Variants in RIMBP2 observed in about 807,000 individuals in gnomAD.
RIMBP2 encodes the protein RIMS binding protein 2.
In RIMBP2, 48 loss-of-function variants were observed where a neutral mutation model predicts 118.6. The observed-to-expected ratio is 0.40, with a 90% CI of 0.32 to 0.51. The LOEUF is 0.51. RIMBP2 is among the 20% of genes least tolerant of loss of function. The pLI is 0.41. For synonymous variants in RIMBP2, 762 were observed against 742.9 expected (o/e 1.03, Z -0.42); for missense variants, 1,551 against 1,768.3 (o/e 0.88, Z 2.20).
chr12:130,438,335 A>AGGCCCCCCCCCCC, intron 12 of RIMBP2, 30 bp downstream of exon 12: 1 of 865,014 alleles, frequency 1.2e-6, no homozygotes, highest in Non-Finnish European at 1.9e-6. Flanking sequence ...GGCCTAACAA[A>AGGCCCCCCCCCCC]CCCTCCCCAC....
At position 130,438,419 on chromosome 12, in the gene RIMBP2, C is replaced by T. The variant is rs946078270; in HGVS notation, c.1602G>A (p.Gly534=). The T allele has an allele frequency of 1.9e-6, 3 of 1,612,986 alleles. No individual in the cohort carries two copies. Among genetic ancestry groups the T allele is most frequent in the Admixed American group, 3.3e-5 (2 of 59,930 alleles). ...SWRPPVLTPT[G]LSNGANVTGY... is the part of the protein sequence containing the mutation. ...CGGTAACGTTTGCGCCATTGGACAG[C>T]CCGGTGGGCGTCAGCACAGGTGGTC... The change falls in exon 12 of 23, where the codon GGG becomes GGA. Residue 534 remains glycine, a synonymous_variant. Coordinates refer to ENST00000690449, the MANE Select transcript of RIMBP2 (RefSeq NM_001393629.1).
intron 1 of RIMBP2, among the ~76,000 whole-genome samples, chr12:130,686,376 A>C (rs909110709): frequency 6.6e-6 from 1 of 152,180 alleles, no homozygotes; most frequent in South Asian, 2.1e-4. Context: ...AGATTGCTCA[A>C]ACCCTCCCCA....
chr12:130,629,626 T>C lies in RIMBP2; in HGVS notation c.-351-1170A>G, dbSNP rs555412186. Among the ~76,000 whole-genome samples, 3 of 152,234 alleles carry C rather than the reference T, an allele frequency of 2.0e-5. No homozygotes were observed. The South Asian group carries it at 6.2e-4, about 32-fold the overall frequency. On this transcript the variant is annotated intron_variant, in intron 1 of 22. Coordinates refer to ENST00000690449, the MANE Select transcript of RIMBP2 (RefSeq NM_001393629.1). Reference sequence around the variant, plus strand: ...AGAAATTAGACAGTCCACCTGTGGATACCCCTCCCCAGATCCAATGCATTA... The same window carrying C: ...AGAAATTAGACAGTCCACCTGTGGACACCCCTCCCCAGATCCAATGCATTA...
intron 6 of RIMBP2, among the ~76,000 whole-genome samples, chr12:130,464,072 G>T (rs576942284): frequency 2.7e-4 from 41 of 152,224 alleles, no homozygotes; most frequent in African/African-American, 9.4e-4. Flanking sequence ...TCCGGGAACT[G>T]CCCACCCTCC....
At chr12:130,626,243 G>T (rs990730592) in intron 2 of RIMBP2, among the ~76,000 whole-genome samples, 3 of 152,180 alleles carry the variant, frequency 2.0e-5, no homozygotes, top group Non-Finnish European at 4.4e-5. Flanking sequence ...CATAAAATAG[G>T]AATCAGAGGA....
In RIMBP2 at chr12:130,442,227, G is replaced by A; in HGVS notation, c.1125C>T (p.Asn375=). The change falls in exon 11 of 23, where the codon AAC becomes AAT. Residue 375 remains asparagine, a synonymous_variant. Coordinates refer to ENST00000690449, the MANE Select transcript of RIMBP2 (RefSeq NM_001393629.1). The surrounding 1 kb of genome is among the most constrained non-coding windows in gnomAD (Gnocchi z 6.9). ...SRTKALIEKL[N]MAACTYRISV... is the part of the protein sequence containing the mutation. ...AGATGCGGTAGGTGCAGGCTGCCAT[G>A]TTGAGCTTCTCGATGAGGGCTTTAG... The A allele has an allele frequency of 6.2e-7, 1 of 1,614,232 alleles. No individual in the cohort carries two copies. The highest frequency in any genetic ancestry group is 8.5e-7 in the Non-Finnish European group (1 of 1,180,056).
chr12:130,407,902 G>A (rs543798777), intron 19 of RIMBP2, 73 bp from the exon 20 acceptor site: 72 of 1,363,888 alleles, frequency 5.3e-5, no homozygotes, highest in East Asian at 1.8e-4. Context: ...CCCTCCTTCC[G>A]GGTCACACAT....
chr12:130,668,883 T>G (rs1043819586), intron 1 of RIMBP2, among the ~76,000 whole-genome samples: 9 of 152,250 alleles, frequency 5.9e-5, no homozygotes, highest in Admixed American at 3.3e-4. Context: ...CCCTCCATGT[T>G]AAGCCAAGTT....
intron 2 of RIMBP2, among the ~76,000 whole-genome samples, chr12:130,560,633 G>A (rs980605507): frequency 2.6e-5 from 4 of 152,174 alleles, no homozygotes; most frequent in African/African-American, 7.2e-5. Context: ...GCCAAGCTGC[G>A]CCTTTCCATG....
At chr12:130,619,925 C>A (rs141533066) in intron 2 of RIMBP2, among the ~76,000 whole-genome samples, 1 of 152,212 alleles carries the variant, frequency 6.6e-6, no homozygotes, top group Non-Finnish European at 1.5e-5. Context: ...CCTGCAGACA[C>A]ATGCTGTCCT....
At position 130,621,173 on chromosome 12, in the gene RIMBP2, G is replaced by A. The variant is rs2061287786; in HGVS notation, c.-217+7149C>T. Among the ~76,000 whole-genome samples the A allele has an allele frequency of 6.6e-6, 1 of 152,164 alleles. No individual in the cohort carries two copies. Among genetic ancestry groups the A allele is most frequent in the South Asian group, 2.1e-4 (1 of 4,832 alleles). The stretch of plus-strand genomic sequence containing the variant: ...GGTGAGTTGGAAACCCTTGAGTTCA[G>A]TCACCAGGCTCTGGAGATGGGTCTT... On this transcript the variant is annotated intron_variant, in intron 2 of 22. Transcript: ENST00000690449. The surrounding 1 kb of genome is among the most constrained non-coding windows in gnomAD (Gnocchi z 6.6).
intron 2 of RIMBP2, among the ~76,000 whole-genome samples, chr12:130,519,760 T>C (rs1188973174): frequency 6.6e-6 from 1 of 152,146 alleles, no homozygotes; most frequent in Non-Finnish European, 1.5e-5. Context: ...AGATTATGGG[T>C]TCTGAGGTCA....
At chr12:130,412,842 C>T (rs1241989969) in intron 18 of RIMBP2, 55 bp from the exon 19 acceptor site, 3 of 1,502,530 alleles carry the variant, frequency 2.0e-6, no homozygotes, top group African/African-American at 2.8e-5. Context: ...TTCAGAAATA[C>T]AATAGTCCCA....
intron 1 of RIMBP2, among the ~76,000 whole-genome samples, chr12:130,648,952 C>T (rs1345447360): frequency 6.9e-6 from 1 of 145,868 alleles, no homozygotes; most frequent in South Asian, 2.1e-4. Flanking sequence ...CGCCGAGAAA[C>T]GGATCGCACA....
chr12:130,438,858 G>T (rs2077759396), intron 11 of RIMBP2, among the ~76,000 whole-genome samples: 1 of 152,052 alleles, frequency 6.6e-6, no homozygotes, highest in Admixed American at 6.5e-5. Flanking sequence ...GGGGTCTCAG[G>T]CCTGGCCAGG....
chr12:130,594,599 T>C (rs1356236597), intron 2 of RIMBP2, among the ~76,000 whole-genome samples: 2 of 152,050 alleles, frequency 1.3e-5, no homozygotes, highest in African/African-American at 4.8e-5. Context: ...TTTAAGAAAA[T>C]TTATGAATTT....
rs904546889 is a variant in RIMBP2 at position 130,688,159 on chromosome 12, G to A, written c.-352+28063C>T. On this transcript the variant is annotated intron_variant, in intron 1 of 22. Coordinates refer to ENST00000690449, the MANE Select transcript of RIMBP2 (RefSeq NM_001393629.1). The surrounding 1 kb of genome is among the most constrained non-coding windows in gnomAD (Gnocchi z 4.7). ...TTCCAAGCATGGCCCCACAGCTCCC[G>A]GCCCAGCCTGCACTGTTCATGCTGC... is the stretch of plus-strand genomic sequence containing the variant. Among the ~76,000 whole-genome samples, 1 of 152,120 alleles carries A rather than the reference G, an allele frequency of 6.6e-6. No individual in the cohort carries two copies. The highest frequency in any genetic ancestry group is 1.5e-5 in the Non-Finnish European group (1 of 68,032).
chr12:130,522,841 T>C (rs2052300284), intron 2 of RIMBP2, among the ~76,000 whole-genome samples: 1 of 152,100 alleles, frequency 6.6e-6, no homozygotes, highest in South Asian at 2.1e-4. Flanking sequence ...GTGACTCTAT[T>C]TGGAGATGGG....
intron 1 of RIMBP2, among the ~76,000 whole-genome samples, chr12:130,693,071 A>C (rs1382248847): frequency 6.6e-6 from 1 of 152,102 alleles, no homozygotes; most frequent in Non-Finnish European, 1.5e-5. Context: ...TCCATGACCA[A>C]GTACCTAAGA....
Sources: gnomAD v4.1 joint callset for allele counts (sites outside exome capture counted in the v4.1 genomes callset) on GRCh38, gnomAD v4.1.1 for gene constraint, Gnocchi (gnomAD v3.1) non-coding constraint, MANE v1.5 for transcripts, NCBI Gene and HGNC (gene_info 2026-07-23, HGNC 2026-07-21) for gene names.